Variants in SMC3 observed in about 807,000 individuals in gnomAD.
SMC3 encodes the protein structural maintenance of chromosomes protein 3.
SMC3 carries 20 observed loss-of-function variants against 171.8 expected under a neutral mutation model. The observed-to-expected ratio is 0.12, with a 90% CI of 0.08 to 0.17. The LOEUF is 0.17. Ranked by LOEUF, SMC3 falls within the 10% of genes least tolerant of loss-of-function variation. SMC3 has a pLI of 1.00. For missense variants in SMC3, 543 were observed against 1,420.4 expected (o/e 0.38, Z 9.93); for synonymous variants, 464 against 451.1 (o/e 1.03, Z -0.36).
chr10:110,573,211 T>C (rs183508761), intron 2 of SMC3, among the ~76,000 whole-genome samples: 103 of 152,306 alleles, frequency 6.8e-4, no homozygotes, highest in African/African-American at 2.3e-3. Flanking sequence ...ATTTGAATTT[T>C]GTTAGTCAAA....
chr10:110,579,573 AT>A (rs982446042), intron 7 of SMC3, among the ~76,000 whole-genome samples: 1 of 151,628 alleles, frequency 6.6e-6, no homozygotes, highest in African/African-American at 2.4e-5. Flanking sequence ...AATCTGTTTT[AT>A]TTTTCTTCAT....
intron 17 of SMC3, 80 bp downstream of exon 17, chr10:110,591,212 A>G: frequency 1.1e-5 from 14 of 1,316,202 alleles, no homozygotes; most frequent in Non-Finnish European, 1.3e-5. Context: ...GCTAGTGCCC[A>G]GGCACTATAC....
Position 110,604,621 on chromosome 10 carries a change from G to A in SMC3, c.*319G>A, listed in dbSNP as rs190225025. The A allele has an allele frequency of 2.6e-5, 8 of 311,660 alleles. No homozygotes were observed. The highest frequency in any genetic ancestry group is 4.4e-5 in the African/African-American group (2 of 45,646). The allele number at this position is 311,660 out of a possible 1,614,324, so 19.3% of individuals were successfully genotyped here. A position where few individuals can be genotyped will look rare whatever the true frequency, so the allele number is the denominator to read the frequency against. On this transcript the variant is annotated 3_prime_UTR_variant, in exon 29 of 29. Transcript: ENST00000361804. ...TTTTTATAGCTTCAATTAAATAATCGGTTTTATGACTAATATAGTGTTTTA... is the reference window on the plus strand; with the variant it reads ...TTTTTATAGCTTCAATTAAATAATCAGTTTTATGACTAATATAGTGTTTTA...
At chr10:110,583,775 A>G (rs1861066888) in intron 11 of SMC3, 66 bp from the exon 12 acceptor site, 1 of 1,551,838 alleles carries the variant, frequency 6.4e-7, no homozygotes, top group Non-Finnish European at 8.8e-7. Context: ...TCCTGAGAAA[A>G]CATTTATGCT....
intron 1 of SMC3, 27 bp downstream of exon 1, chr10:110,567,858 G>A: frequency 4.3e-6 from 7 of 1,613,146 alleles, no homozygotes; most frequent in Non-Finnish European, 5.9e-6. Context: ...CCTCCACCCC[G>A]TCATGGGCCG....
chr10:110,587,786 T>G (rs1481226027), intron 13 of SMC3, among the ~76,000 whole-genome samples: 1 of 152,190 alleles, frequency 6.6e-6, no homozygotes, highest in East Asian at 1.9e-4. Context: ...AACATTAATT[T>G]AGGAAAACTG....
At chr10:110,597,194 T>C (rs928795232) in intron 19 of SMC3, among the ~76,000 whole-genome samples, 3 of 150,444 alleles carry the variant, frequency 2.0e-5, no homozygotes, top group African/African-American at 7.3e-5. Flanking sequence ...TAGATTTTAC[T>C]GTCTTGAAGT....
At chr10:110,585,692 G>GT (rs756870510) in intron 13 of SMC3, among the ~76,000 whole-genome samples, 3 of 151,552 alleles carry the variant, frequency 2.0e-5, no homozygotes, top group Admixed American at 6.6e-5. Flanking sequence ...CAGTTCTTCA[G>GT]TTTTTTCTTG....
At chr10:110,591,216 A>T in intron 17 of SMC3, 84 bp downstream of exon 17, 1 of 1,298,054 alleles carries the variant, frequency 7.7e-7, no homozygotes, top group Non-Finnish European at 1.1e-6. Flanking sequence ...GTGCCCAGGC[A>T]CTATACACTG....
rs1320458704 is a variant in SMC3 at position 110,605,813 on chromosome 10, C to G, written c.*1511C>G. The stretch of plus-strand genomic sequence containing the variant: ...TCTCAAACAACTACCTAAGAATATT[C>G]ATCATGAATGCTTGGTGTATAGTTT... On this transcript the variant is annotated 3_prime_UTR_variant, in exon 29 of 29. Transcript: ENST00000361804. Among the ~76,000 whole-genome samples the G allele has an allele frequency of 6.6e-6, 1 of 152,158 alleles. No homozygotes were observed. Among genetic ancestry groups the G allele is most frequent in the Non-Finnish European group, 1.5e-5 (1 of 68,012 alleles).
chr10:110,597,779 T>C (rs1035942105), intron 19 of SMC3, among the ~76,000 whole-genome samples: 3 of 152,216 alleles, frequency 2.0e-5, no homozygotes, highest in Admixed American at 2.0e-4. Context: ...CTTAACATAG[T>C]GCCTTAAGCA....
chr10:110,603,398 T>C lies in SMC3; in HGVS notation c.3582+108T>C, dbSNP rs530115961. 445 of 730,016 alleles carry C rather than the reference T, an allele frequency of 6.1e-4. 5 individuals are homozygous for C. The South Asian group carries it at 7.4e-3, about 12-fold the overall frequency. The allele number at this position is 730,016 out of a possible 1,614,324, so 45.2% of individuals were successfully genotyped here. On this transcript the variant is annotated intron_variant, in intron 28 of 28. Transcript: ENST00000361804. ...GAAAGAAAACTTAGAAAGTCTTTGC[T>C]TATCTGATGTCTTTGTAAAGAAAGA...
chr10:110,591,268 G>A (rs1861200916), intron 17 of SMC3, 136 bp downstream of exon 17: 1 of 887,770 alleles, frequency 1.1e-6, no homozygotes, highest in African/African-American at 1.7e-5. Context: ...GTCTTCCCAT[G>A]GACCTTAGTG....
Position 110,581,113 on chromosome 10 carries a change from A to G in SMC3, c.547+92A>G, listed in dbSNP as rs7911129. 52,034 of 775,298 alleles carry G rather than the reference A, an allele frequency of 0.067. 4,095 individuals are homozygous for G. The highest frequency in any genetic ancestry group is 0.32 in the African/African-American group (19,120 of 59,162). The allele number at this position is 775,298 out of a possible 1,614,324, so 48.0% of individuals were successfully genotyped here. On this transcript the variant is annotated intron_variant, in intron 8 of 28. Transcript: ENST00000361804. ...CATGATGGGAATATAGTAGGTGTTT[A>G]GTATATGACAGCATTAGATAATGCT...
At position 110,584,269 on chromosome 10, in the gene SMC3, A is replaced by C; in HGVS notation, c.1178A>C (p.Lys393Thr). Residue 393 changes from lysine to threonine, a missense_variant, in exon 13 of 29, where the codon AAG (lysine) becomes ACG (threonine). This residue lies in a region of SMC3 where 218 missense variants were observed against 509.6 expected (regional missense o/e 0.43). Coordinates refer to ENST00000361804, the MANE Select transcript of SMC3 (RefSeq NM_005445.4). ...SQFTSKEERDKWIKKELKSLD... is the reference protein window; with the variant it reads ...SQFTSKEERDTWIKKELKSLD... The stretch of plus-strand genomic sequence containing the variant: ...TTTACATCAAAAGAAGAAAGGGATA[A>C]GTGGATTAAAAAGGAACTCAAGTCT... 1 of 1,614,032 alleles carries C rather than the reference A, an allele frequency of 6.2e-7. No individual in the cohort carries two copies. Among genetic ancestry groups the C allele is most frequent in the Non-Finnish European group, 8.5e-7 (1 of 1,179,886 alleles).
Position 110,580,911 on chromosome 10 carries a change from A to G in SMC3, c.437A>G (p.Gln146Arg). The change falls in exon 8 of 29, where the codon CAG becomes CGG. Residue 146 changes from glutamine to arginine, a missense_variant. Physicochemically the swap from Gln to Arg is conservative, Grantham distance 43 (BLOSUM62 1). This residue lies in a region of SMC3 where 146 missense variants were observed against 437.9 expected (regional missense o/e 0.33). Transcript: ENST00000361804. Reference sequence around the variant, plus strand: ...TTTTTCTAAAAATTTTAGATCAACCAGATGGCAACAGCACCAGATTCTCAG... The same window carrying G: ...TTTTTCTAAAAATTTTAGATCAACCGGATGGCAACAGCACCAGATTCTCAG... ...YYIVKQGKIN[Q>R]MATAPDSQRL... is the part of the protein sequence containing the mutation. 3 of 1,586,580 alleles carry G rather than the reference A, an allele frequency of 1.9e-6. No individual in the cohort carries two copies. The highest frequency in any genetic ancestry group is 2.6e-6 in the Non-Finnish European group (3 of 1,154,870).
At chr10:110,591,525 C>G (rs1006351553) in intron 17 of SMC3, among the ~76,000 whole-genome samples, 2 of 152,172 alleles carry the variant, frequency 1.3e-5, no homozygotes, top group African/African-American at 4.8e-5. Flanking sequence ...TCCCAAGGAA[C>G]TGTCATGTAT....
chr10:110,569,039 A>T, intron 2 of SMC3, 26 bp downstream of exon 2: 2 of 1,356,896 alleles, frequency 1.5e-6, no homozygotes, highest in Non-Finnish European at 2.1e-6. Flanking sequence ...TTACTCGGTC[A>T]TATTTATAGT....
At chr10:110,586,670 C>CT (rs1044328255) in intron 13 of SMC3, among the ~76,000 whole-genome samples, 14 of 151,828 alleles carry the variant, frequency 9.2e-5, no homozygotes, top group South Asian at 6.2e-4. Context: ...TGTAAATAGC[C>CT]TTTTTTTTGA....
Sources: gnomAD v4.1 joint callset for allele counts (sites outside exome capture counted in the v4.1 genomes callset) on GRCh38, gnomAD v4.1.1 for gene constraint, gnomAD v4.1.1 regional missense constraint, MANE v1.5 for transcripts, NCBI Gene and HGNC (gene_info 2026-07-23, HGNC 2026-07-21) for gene names.